Variants in NUP107 observed in about 807,000 individuals in gnomAD.
The protein encoded by NUP107 is nucleoporin 107.
A neutral mutation model predicts 141.0 loss-of-function variants in NUP107; 101 were observed. The ratio of observed to expected loss-of-function variants is 0.72; its 90% confidence interval spans 0.61 to 0.84. The LOEUF (loss-of-function observed/expected upper bound fraction) is 0.84. Among genes scored for constraint, NUP107 ranks in the 40% least tolerant of loss-of-function variants. The pLI is 0.00. For missense variants in NUP107, 941 were observed against 1,102.7 expected (o/e 0.85, Z 2.08); for synonymous variants, 319 against 363.9 (o/e 0.88, Z 1.41).
intron 11 of NUP107, 125 bp from the exon 12 acceptor site, chr12:68,715,502 A>C (rs943767911): frequency 6.2e-6 from 4 of 645,066 alleles, no homozygotes; most frequent in Admixed American, 5.0e-5. Context: ...TCGGAAAAGA[A>C]AAAAGAAAAA....
At chr12:68,699,013 G>A (rs1017483678) in intron 6 of NUP107, among the ~76,000 whole-genome samples, 2 of 152,100 alleles carry the variant, frequency 1.3e-5, no homozygotes, top group Non-Finnish European at 2.9e-5. Context: ...GATGGTGAGG[G>A]AGGCTGGGAT....
At chr12:68,711,551 G>A (rs1876860307) in intron 10 of NUP107, among the ~76,000 whole-genome samples, 1 of 151,352 alleles carries the variant, frequency 6.6e-6, no homozygotes, top group African/African-American at 2.4e-5. Context: ...AAAAAAAAAG[G>A]ATTAGAATTA....
chr12:68,706,026 G>A (rs1473072604), intron 8 of NUP107: 10 of 850,396 alleles, frequency 1.2e-5, no homozygotes, highest in East Asian at 9.6e-5. Flanking sequence ...GGCAGAAGAC[G>A]GCTCAGAGCA....
intron 5 of NUP107, 54 bp downstream of exon 5, chr12:68,692,166 G>T: frequency 6.8e-7 from 1 of 1,464,310 alleles, no homozygotes; most frequent in African/African-American, 1.4e-5. Context: ...GCAAGATGAA[G>T]GAAACCATTT....
intron 8 of NUP107, among the ~76,000 whole-genome samples, chr12:68,704,728 T>A (rs992422485): frequency 1.4e-4 from 22 of 152,114 alleles, no homozygotes; most frequent in Non-Finnish European, 2.8e-4. Flanking sequence ...GTGCTGAGAT[T>A]ACAGACGTGA....
chr12:68,725,630 G>T, intron 17 of NUP107, 97 bp from the exon 18 acceptor site: 1 of 660,740 alleles, frequency 1.5e-6, no homozygotes, highest in Non-Finnish European at 2.6e-6. Context: ...CTTTCTATAT[G>T]TTCCTTCAAA....
At position 68,695,440 on chromosome 12, in the gene NUP107, T is replaced by A. The variant is rs150624608; in HGVS notation, c.449-1379T>A. 9.4e-3 allele frequency among the ~76,000 whole-genome samples: 1,428 copies of A among 152,280 alleles called. 12 individuals carry two copies. Among genetic ancestry groups the A allele is most frequent in the South Asian group, 0.021 (101 of 4,824 alleles). On this transcript the variant is annotated intron_variant, in intron 5 of 27. Transcript: ENST00000229179. ...TACAGTGGAATATTATTCAGCCAAA[T>A]ATGAAGGACATTCTGACACATGCTA...
chr12:68,705,820 A>G (rs1345470838), intron 8 of NUP107: 2 of 768,422 alleles, frequency 2.6e-6, no homozygotes, highest in African/African-American at 3.4e-5. Context: ...TAGGGGAGGC[A>G]TCACCCCAGT....
At chr12:68,721,780 G>C in intron 15 of NUP107, 61 bp from the exon 16 acceptor site, 1 of 1,503,116 alleles carries the variant, frequency 6.7e-7, no homozygotes, top group Non-Finnish European at 9.1e-7. Context: ...GGATGTAATT[G>C]CTTTTCCTTT....
At chr12:68,718,992 G>A (rs1417429582) in intron 12 of NUP107, among the ~76,000 whole-genome samples, 1 of 152,046 alleles carries the variant, frequency 6.6e-6, no homozygotes, top group Non-Finnish European at 1.5e-5. Flanking sequence ...GGGTTCAAGC[G>A]ATGCACCTGC....
At chr12:68,690,367 A>T in intron 3 of NUP107, 1 of 499,808 alleles carries the variant, frequency 2.0e-6, no homozygotes, top group Non-Finnish European at 3.6e-6. Context: ...TAGTGTCTTT[A>T]ACTGCTCAGT....
chr12:68,721,278 C>A, intron 15 of NUP107, 101 bp downstream of exon 15: 1 of 727,676 alleles, frequency 1.4e-6, no homozygotes, highest in Non-Finnish European at 2.3e-6. Flanking sequence ...AGTTTGTATA[C>A]TTAAGTATAT....
chr12:68,703,997 C>T (rs1427352555), intron 8 of NUP107, among the ~76,000 whole-genome samples: 1 of 152,042 alleles, frequency 6.6e-6, no homozygotes, highest in Non-Finnish European at 1.5e-5. Flanking sequence ...TCACTTGAGC[C>T]CAGGAGTTCA....
chr12:68,741,830 T>C lies in NUP107; in HGVS notation c.2520T>C (p.His840=), dbSNP rs368049934. ...GTTTGTAGGATGCCAAAGAAGACCA[T>C]GAAAGAACACATCAAATGGTCTTAC... is the stretch of plus-strand genomic sequence containing the variant. ...VDVREDAKED[H]ERTHQMVLLR... Residue 840 remains histidine, a synonymous_variant, in exon 27 of 28, where the codon CAT becomes CAC. Transcript: ENST00000229179. 6.2e-7 allele frequency: 1 copy of C among 1,613,068 alleles called. No homozygotes were observed. Among genetic ancestry groups the C allele is most frequent in the East Asian group, 2.2e-5 (1 of 44,848 alleles).
intron 8 of NUP107, among the ~76,000 whole-genome samples, chr12:68,707,713 A>G (rs1392404706): frequency 1.3e-5 from 2 of 152,222 alleles, no homozygotes; most frequent in Non-Finnish European, 2.9e-5. Flanking sequence ...TATATTAGAT[A>G]TTATACATAA....
intron 3 of NUP107, 94 bp downstream of exon 3, chr12:68,689,713 C>A: frequency 1.3e-6 from 1 of 798,694 alleles, no homozygotes; most frequent in Non-Finnish European, 2.1e-6. Flanking sequence ...TATTTGGTTA[C>A]GATATCAATA....
At position 68,702,777 on chromosome 12, in the gene NUP107, C is replaced by T; in HGVS notation, c.722C>T (p.Ala241Val). The part of the protein sequence containing the change: ...QSALEEESVF[A>V]VTAVNASEKT... Reference sequence around the variant, plus strand: ...GCATTAGAAGAGGAAAGTGTATTCGCAGTTACTGTAAGTTTTATATTAATT... The same window carrying T: ...GCATTAGAAGAGGAAAGTGTATTCGTAGTTACTGTAAGTTTTATATTAATT... Residue 241 changes from alanine to valine, a missense_variant, in exon 8 of 28, where the codon GCA becomes GTA. Transcript: ENST00000229179. The T allele has an allele frequency of 6.6e-7, 1 of 1,518,388 alleles. No homozygotes were observed. The highest frequency in any genetic ancestry group is 8.9e-7 in the Non-Finnish European group (1 of 1,119,334). The allele number at this position is 1,518,388 out of a possible 1,614,324, so 94.1% of individuals were successfully genotyped here. A position where few individuals can be genotyped will look rare whatever the true frequency, so the allele number is the denominator to read the frequency against.
At chr12:68,709,481 A>G (rs1474402115) in intron 9 of NUP107, among the ~76,000 whole-genome samples, 172 bp downstream of exon 9, 1 of 152,164 alleles carries the variant, frequency 6.6e-6, no homozygotes, top group Non-Finnish European at 1.5e-5. Flanking sequence ...TTTTTAAGTA[A>G]TAGCCCTAGT....
chr12:68,693,785 G>A (rs1473466042), intron 5 of NUP107, among the ~76,000 whole-genome samples: 7 of 152,140 alleles, frequency 4.6e-5, no homozygotes, highest in East Asian at 1.9e-4. Context: ...AGCCTGTTAC[G>A]TTATTAGACA....
Sources: gnomAD v4.1 joint callset for allele counts (sites outside exome capture counted in the v4.1 genomes callset) on GRCh38, gnomAD v4.1.1 for gene constraint, MANE v1.5 for transcripts, NCBI Gene and HGNC (gene_info 2026-07-23, HGNC 2026-07-21) for gene names.